The following PRKCE variants were observed in gnomAD, a reference collection of about 807,000 sequenced individuals.
The protein encoded by PRKCE is protein kinase C epsilon type.
A neutral mutation model predicts 85.4 loss-of-function variants in PRKCE; 16 were observed. The ratio of observed to expected loss-of-function variants is 0.19; its 90% confidence interval spans 0.13 to 0.28. PRKCE has a LOEUF of 0.28. Among genes scored for constraint, PRKCE ranks in the 10% least tolerant of loss-of-function variants. PRKCE has a pLI of 1.00. For missense variants in PRKCE, 573 were observed against 975.2 expected (o/e 0.59, Z 5.49); for synonymous variants, 388 against 371.5 (o/e 1.04, Z -0.51).
At chr2:45,707,394 A>G (rs1679201560) in intron 1 of PRKCE, among the ~76,000 whole-genome samples, 2 of 152,248 alleles carry the variant, frequency 1.3e-5, no homozygotes, top group South Asian at 2.1e-4. Flanking sequence ...TTATATTCCC[A>G]TAGAAAGCTT....
chr2:45,691,631 C>T (rs1289713095), intron 1 of PRKCE, among the ~76,000 whole-genome samples: 1 of 152,232 alleles, frequency 6.6e-6, no homozygotes, highest in Non-Finnish European at 1.5e-5. Flanking sequence ...TATCATTATA[C>T]TCCACTTCGT....
intron 1 of PRKCE, among the ~76,000 whole-genome samples, chr2:45,653,726 A>G (rs1025286595): frequency 1.3e-5 from 2 of 152,160 alleles, no homozygotes; most frequent in East Asian, 3.8e-4. Context: ...CATGGCTGTG[A>G]TGTAGTCTGC....
intron 2 of PRKCE, among the ~76,000 whole-genome samples, chr2:45,954,519 T>C (rs1700840898): frequency 3.3e-5 from 5 of 152,134 alleles, no homozygotes; most frequent in Admixed American, 2.6e-4. Flanking sequence ...ACTAATTAAA[T>C]TGGCCTATCT....
At chr2:46,079,718 CTG>C (rs886632778) in intron 10 of PRKCE, among the ~76,000 whole-genome samples, 1 of 152,220 alleles carries the variant, frequency 6.6e-6, no homozygotes, top group African/African-American at 2.4e-5. Context: ...GATGGAGAAT[CTG>C]TGTGTCCAAA....
intron 2 of PRKCE, among the ~76,000 whole-genome samples, chr2:45,854,636 C>G (rs1049533731): frequency 6.6e-6 from 1 of 152,220 alleles, no homozygotes; most frequent in African/African-American, 2.4e-5. Flanking sequence ...TAAGCCAATG[C>G]TCAGGATTTT....
chr2:45,888,180 A>T (rs1442894101), intron 2 of PRKCE, among the ~76,000 whole-genome samples: 1 of 152,224 alleles, frequency 6.6e-6, no homozygotes, highest in Non-Finnish European at 1.5e-5. Flanking sequence ...TAAAAGTGGC[A>T]AAAGGCGCTG....
intron 11 of PRKCE, among the ~76,000 whole-genome samples, chr2:46,136,913 C>T (rs1238250328): frequency 6.6e-6 from 1 of 152,216 alleles, no homozygotes; most frequent in Non-Finnish European, 1.5e-5. Flanking sequence ...GTTGCATATA[C>T]TTCATATGTT....
intron 1 of PRKCE, among the ~76,000 whole-genome samples, chr2:45,671,993 G>A (rs1172555867): frequency 6.7e-6 from 1 of 149,566 alleles, no homozygotes; most frequent in Non-Finnish European, 1.5e-5. Context: ...AGCCTAAAAG[G>A]TCAAAGGTAC....
chr2:45,912,439 C>T (rs191043733), intron 2 of PRKCE, among the ~76,000 whole-genome samples: 39 of 152,274 alleles, frequency 2.6e-4, no homozygotes, highest in Admixed American at 2.2e-3. Context: ...TTAGCCTTCA[C>T]TTGGTGGAGA....
intron 11 of PRKCE, among the ~76,000 whole-genome samples, chr2:46,100,100 T>C (rs1482183450): frequency 1.3e-5 from 2 of 152,292 alleles, no homozygotes; most frequent in East Asian, 3.9e-4. Context: ...CCTAAGATTG[T>C]TTGGTCTGGG....
At chr2:45,857,635 ACTCCTGAG>A (rs1420627512) in intron 2 of PRKCE, among the ~76,000 whole-genome samples, 1 of 151,006 alleles carries the variant, frequency 6.6e-6, no homozygotes, top group Non-Finnish European at 1.5e-5. Flanking sequence ...CTGGTCTTGA[ACTCCTGAG>A]CTCAAGCAAT....
chr2:45,657,268 C>G (rs1183045680), intron 1 of PRKCE, among the ~76,000 whole-genome samples: 3 of 152,176 alleles, frequency 2.0e-5, no homozygotes, highest in Non-Finnish European at 4.4e-5. Context: ...TTCCCCGGAG[C>G]AGCGAAGTCT....
At position 46,001,912 on chromosome 2, in the gene PRKCE, C is replaced by G. The variant is rs1050737804; in HGVS notation, c.966+366C>G. On this transcript the variant is annotated intron_variant, in intron 7 of 14. Transcript: ENST00000306156. The surrounding 1 kb of genome is among the most constrained non-coding windows in gnomAD (Gnocchi z 4.4). Reference sequence around the variant, plus strand: ...AGCAATGTCAGTGTCTGAACTTCACCCTTGGTATCATTATAATGGAGATAA... The same window carrying G: ...AGCAATGTCAGTGTCTGAACTTCACGCTTGGTATCATTATAATGGAGATAA... Among the ~76,000 whole-genome samples the G allele has an allele frequency of 2.0e-5, 3 of 152,136 alleles. No individual in the cohort carries two copies. The highest frequency in any genetic ancestry group is 2.0e-4 in the Admixed American group (3 of 15,272).
intron 11 of PRKCE, among the ~76,000 whole-genome samples, chr2:46,117,014 G>A (rs1335127277): frequency 6.6e-6 from 1 of 152,184 alleles, no homozygotes; most frequent in Non-Finnish European, 1.5e-5. Flanking sequence ...TGACACAGAG[G>A]ATTTTAGTTT....
chr2:45,804,878 A>G (rs367574548), intron 1 of PRKCE, among the ~76,000 whole-genome samples: 1 of 148,194 alleles, frequency 6.7e-6, no homozygotes, highest in South Asian at 2.2e-4. Flanking sequence ...AGCCTTTCCT[A>G]TTTGTTTCTT....
intron 1 of PRKCE, among the ~76,000 whole-genome samples, chr2:45,722,851 A>G (rs1419840317): frequency 1.3e-5 from 2 of 152,276 alleles, no homozygotes; most frequent in African/African-American, 4.8e-5. Context: ...CTGTAATCCC[A>G]GCTCTTTGGG....
intron 11 of PRKCE, among the ~76,000 whole-genome samples, chr2:46,101,587 T>C (rs1671227909): frequency 6.6e-6 from 1 of 152,222 alleles, no homozygotes; most frequent in South Asian, 2.1e-4. Context: ...GTCGAATGAC[T>C]GTCAAAGCCC....
At chr2:45,744,876 T>A (rs13400306) in intron 1 of PRKCE, among the ~76,000 whole-genome samples, 10,967 of 152,244 alleles carry the variant, frequency 0.072, 431 homozygotes, top group African/African-American at 0.099. Context: ...CCCAAAGTGC[T>A]GGGATTATAG....
chr2:45,863,818 C>T (rs1693364204), intron 2 of PRKCE, among the ~76,000 whole-genome samples: 1 of 151,708 alleles, frequency 6.6e-6, no homozygotes, highest in African/African-American at 2.4e-5. Flanking sequence ...GAGATGAGCT[C>T]TCAGGGTGGG....
Sources: gnomAD v4.1 joint callset for allele counts (sites outside exome capture counted in the v4.1 genomes callset) on GRCh38, gnomAD v4.1.1 for gene constraint, Gnocchi (gnomAD v3.1) non-coding constraint, MANE v1.5 for transcripts, NCBI Gene and HGNC (gene_info 2026-07-23, HGNC 2026-07-21) for gene names.